The following SNTG1 variants were observed in gnomAD, a reference collection of about 807,000 sequenced individuals.
The protein encoded by SNTG1 is gamma-1-syntrophin.
A neutral mutation model predicts 74.7 loss-of-function variants in SNTG1; 39 were observed. The observed-to-expected ratio is 0.52, with a 90% CI of 0.40 to 0.68. SNTG1 has a LOEUF of 0.68. Ranked by LOEUF, SNTG1 falls within the 30% of genes least tolerant of loss-of-function variation. SNTG1 has a pLI of 0.00. For synonymous variants in SNTG1, 254 were observed against 217.1 expected (o/e 1.17, Z -1.49); for missense variants, 685 against 609.5 (o/e 1.12, Z -1.30).
At chr8:50,443,555 A>C (rs1229239249) in intron 5 of SNTG1, among the ~76,000 whole-genome samples, 1 of 152,182 alleles carries the variant, frequency 6.6e-6, no homozygotes, top group Non-Finnish European at 1.5e-5. Flanking sequence ...TTCTGAGCTA[A>C]ATACTTCATA....
intron 2 of SNTG1, among the ~76,000 whole-genome samples, chr8:50,291,930 T>C (rs1331627637): frequency 1.3e-5 from 2 of 152,074 alleles, no homozygotes; most frequent in South Asian, 2.1e-4. Flanking sequence ...GAGTGTCCAA[T>C]GGTAGAGGCA....
chr8:50,538,784 C>T (rs2094325931), intron 11 of SNTG1, among the ~76,000 whole-genome samples: 1 of 152,104 alleles, frequency 6.6e-6, no homozygotes. Flanking sequence ...GTCCCGCTTT[C>T]CATTCTCTCC....
At chr8:50,618,319 C>T (rs548028816) in intron 13 of SNTG1, among the ~76,000 whole-genome samples, 7 of 152,210 alleles carry the variant, frequency 4.6e-5, no homozygotes, top group South Asian at 2.1e-4. Flanking sequence ...TTACTTTCTA[C>T]GTTTTTATTT....
At chr8:50,353,645 G>A (rs916998094) in intron 2 of SNTG1, among the ~76,000 whole-genome samples, 2 of 152,106 alleles carry the variant, frequency 1.3e-5, no homozygotes, top group Admixed American at 1.3e-4. Context: ...GCATTTATTT[G>A]AGCTACGTTG....
intron 2 of SNTG1, among the ~76,000 whole-genome samples, chr8:50,333,640 T>C (rs1440943960): frequency 6.6e-6 from 1 of 152,218 alleles, no homozygotes; most frequent in Non-Finnish European, 1.5e-5. Flanking sequence ...CTTGTTGAGA[T>C]TGTAGCTGCA....
At position 49,974,386 on chromosome 8, in the gene SNTG1, G is replaced by C. The variant is rs1342913198; in HGVS notation, c.-103+62155G>C. On this transcript the variant is annotated intron_variant, in intron 1 of 18. Coordinates refer to ENST00000642720, the MANE Select transcript of SNTG1 (RefSeq NM_018967.5). ...CTTCTCAAATATTCCATGAGATAAA[G>C]AGTTAAAGCATGAATAAAACATCTG... Among the ~76,000 whole-genome samples the C allele has an allele frequency of 2.6e-5, 4 of 152,066 alleles. No individual in the cohort carries two copies. The East Asian group carries it at 7.7e-4, about 29-fold the overall frequency.
In SNTG1 at chr8:50,629,334, C is replaced by T. The variant is rs569953794; in HGVS notation, c.850-27575C>T. On this transcript the variant is annotated intron_variant, in intron 13 of 18. Coordinates refer to ENST00000642720, the MANE Select transcript of SNTG1 (RefSeq NM_018967.5). ...TTGTTTTGAAATAATATTTTCTGTT[C>T]GTCATCTCCTTTATGTTGTAGTAAG... 8.6e-5 allele frequency among the ~76,000 whole-genome samples: 13 copies of T among 151,788 alleles called. No individual in the cohort carries two copies. The East Asian group carries it at 9.7e-4, about 11-fold the overall frequency.
intron 2 of SNTG1, among the ~76,000 whole-genome samples, chr8:50,323,074 C>T (rs1444853093): frequency 1.3e-5 from 2 of 148,588 alleles, no homozygotes; most frequent in Non-Finnish European, 3.0e-5. Flanking sequence ...CACCACTGCA[C>T]TCCAGCCTGG....
At chr8:49,955,713 A>C (rs1810096869) in intron 1 of SNTG1, among the ~76,000 whole-genome samples, 1 of 152,196 alleles carries the variant, frequency 6.6e-6, no homozygotes, top group East Asian at 1.9e-4. Flanking sequence ...CAAAGGCTAA[A>C]TCTTTGTCCA....
chr8:50,781,023 T>A (rs902901040), intron 18 of SNTG1, among the ~76,000 whole-genome samples: 3 of 152,152 alleles, frequency 2.0e-5, no homozygotes, highest in African/African-American at 7.2e-5. Context: ...TTTGAGTGAG[T>A]TTCTTAATCC....
chr8:50,248,058 C>G (rs1174510583), intron 2 of SNTG1, among the ~76,000 whole-genome samples: 1 of 152,104 alleles, frequency 6.6e-6, no homozygotes, highest in Non-Finnish European at 1.5e-5. Context: ...GTGTCTTTCT[C>G]TGTACCCAAA....
rs2093663955 is a variant in SNTG1 at position 50,472,847 on chromosome 8, C to G, written c.363+22118C>G. Among the ~76,000 whole-genome samples the G allele has an allele frequency of 2.0e-5, 3 of 151,916 alleles. No homozygotes were observed. In the East Asian group the frequency reaches 5.8e-4, roughly 29 times the overall value. ...ACAACAACAACAACAAAAAACCTTA[C>G]CCAATTAAAAACTGTCTAAAAGACT... On this transcript the variant is annotated intron_variant, in intron 8 of 18. Transcript: ENST00000642720.
At chr8:50,343,982 C>T (rs948091996) in intron 2 of SNTG1, among the ~76,000 whole-genome samples, 12 of 152,092 alleles carry the variant, frequency 7.9e-5, no homozygotes, top group Non-Finnish European at 1.3e-4. Flanking sequence ...TAGTTAACTC[C>T]ATCCTCAGCT....
chr8:50,236,173 AG>A (rs1246921801), intron 2 of SNTG1, among the ~76,000 whole-genome samples: 1 of 151,814 alleles, frequency 6.6e-6, no homozygotes, highest in African/African-American at 2.4e-5. Context: ...AGTCTAACAA[AG>A]AGTGCCACTA....
At chr8:50,211,219 A>G (rs1163835637) in intron 2 of SNTG1, among the ~76,000 whole-genome samples, 1 of 152,124 alleles carries the variant, frequency 6.6e-6, no homozygotes, top group Non-Finnish European at 1.5e-5. Flanking sequence ...AGAAACATGG[A>G]AATTTATTGT....
intron 1 of SNTG1, among the ~76,000 whole-genome samples, chr8:50,087,646 A>G (rs981381966): frequency 1.3e-5 from 2 of 152,178 alleles, no homozygotes; most frequent in African/African-American, 4.8e-5. Flanking sequence ...CATAAACTTA[A>G]TAACTTTCCT....
chr8:50,683,400 T>C (rs1050241641), intron 15 of SNTG1, among the ~76,000 whole-genome samples: 9 of 152,254 alleles, frequency 5.9e-5, no homozygotes, highest in African/African-American at 2.2e-4. Flanking sequence ...CCTGAGTCAT[T>C]CTTTAGAAGA....
chr8:50,189,614 A>G (rs1341089302), intron 2 of SNTG1, among the ~76,000 whole-genome samples: 1 of 152,168 alleles, frequency 6.6e-6, no homozygotes, highest in Admixed American at 6.6e-5. Flanking sequence ...TACTCTGTGT[A>G]AAAGGAAAGT....
At chr8:50,607,583 C>CCT (rs1290051022) in intron 13 of SNTG1, among the ~76,000 whole-genome samples, 1 of 150,306 alleles carries the variant, frequency 6.7e-6, no homozygotes, top group Non-Finnish European at 1.5e-5. Context: ...TTATTCTTTC[C>CCT]CTCTCTCTTT....
Sources: gnomAD v4.1 joint callset for allele counts (sites outside exome capture counted in the v4.1 genomes callset) on GRCh38, gnomAD v4.1.1 for gene constraint, MANE v1.5 for transcripts, NCBI Gene and HGNC (gene_info 2026-07-23, HGNC 2026-07-21) for gene names.